Variants in DENND1B observed in about 807,000 individuals in gnomAD.
The protein encoded by DENND1B is DENN domain-containing protein 1B.
Under a neutral mutation model 90.1 loss-of-function variants are expected in DENND1B, and 59 were observed. The ratio of observed to expected loss-of-function variants is 0.65; its 90% CI spans 0.53 to 0.81. DENND1B has a LOEUF of 0.81. Ranked by LOEUF, DENND1B falls within the 40% of genes least tolerant of loss-of-function variation. The probability of loss-of-function intolerance (pLI) is 0.00; values close to 1 mark genes in which losing one functional copy is unlikely to be tolerated. For missense variants in DENND1B, 862 were observed against 912.6 expected, an observed-to-expected ratio of 0.94 and a Z score of 0.71; for synonymous variants, 337 against 324.6, an observed-to-expected ratio of 1.04 and a Z score of -0.41.
intron 3 of DENND1B, among the ~76,000 whole-genome samples, chr1:197,706,521 A>G (rs1013541400): frequency 6.6e-6 from 1 of 152,250 alleles, no homozygotes; most frequent in East Asian, 1.9e-4. Context: ...ATGTATACGT[A>G]AACTAATCAT....
At chr1:197,651,512 A>G (rs1380837638) in intron 7 of DENND1B, among the ~76,000 whole-genome samples, 1 of 151,970 alleles carries the variant, frequency 6.6e-6, no homozygotes, top group Non-Finnish European at 1.5e-5. Flanking sequence ...TTCACCCAGA[A>G]TTTTTATCAC....
chr1:197,539,941 G>A (rs770376498), intron 20 of DENND1B, 23 bp downstream of exon 20: 1 of 1,492,166 alleles, frequency 6.7e-7, no homozygotes, highest in Non-Finnish European at 9.3e-7. Context: ...GTGGGGGAAT[G>A]AAGGGTAAAT....
chr1:197,657,303 A>G (rs1653941219), intron 6 of DENND1B, among the ~76,000 whole-genome samples: 1 of 152,178 alleles, frequency 6.6e-6, no homozygotes, highest in African/African-American at 2.4e-5. Context: ...CCTATTTGCT[A>G]TTGAGACACA....
At chr1:197,637,296 A>G (rs1679885498) in intron 10 of DENND1B, among the ~76,000 whole-genome samples, 1 of 152,198 alleles carries the variant, frequency 6.6e-6, no homozygotes, top group South Asian at 2.1e-4. Context: ...TGTGGATATC[A>G]TACAGGAACA....
intron 14 of DENND1B, among the ~76,000 whole-genome samples, chr1:197,585,172 C>A (rs78636848): frequency 0.015 from 2,280 of 152,212 alleles, 28 homozygotes; most frequent in Non-Finnish European, 0.022. Context: ...CTAGCATCAT[C>A]CCTAGTTACA....
chr1:197,741,781 A>C (rs1265106057), intron 2 of DENND1B, among the ~76,000 whole-genome samples: 1 of 152,148 alleles, frequency 6.6e-6, no homozygotes, highest in African/African-American at 2.4e-5. Context: ...AAAAGAAAAA[A>C]AAGAACTAAA....
At chr1:197,773,066 A>G (rs1178139588) in intron 1 of DENND1B, 134 bp from the exon 2 acceptor site, 3 of 757,564 alleles carry the variant, frequency 4.0e-6, no homozygotes, top group Non-Finnish European at 4.5e-6. Context: ...ACAGTATAGT[A>G]GAAATAACAA....
At chr1:197,553,251 T>A (rs750257891) in intron 15 of DENND1B, 139 bp from the exon 16 acceptor site, 15 of 638,048 alleles carry the variant, frequency 2.4e-5, no homozygotes, top group Non-Finnish European at 3.5e-5. Context: ...TACACATATA[T>A]GGTGTATATA....
At chr1:197,553,608 T>C (rs1671441226) in intron 15 of DENND1B, among the ~76,000 whole-genome samples, 1 of 152,186 alleles carries the variant, frequency 6.6e-6, no homozygotes, top group Admixed American at 6.6e-5. Context: ...TGTGAGATGT[T>C]AGACATTACC....
intron 19 of DENND1B, 45 bp from the exon 20 acceptor site, chr1:197,540,116 T>G (rs1312560307): frequency 7.5e-7 from 1 of 1,338,508 alleles, no homozygotes; most frequent in East Asian, 2.4e-5. Flanking sequence ...AAGTACTCCT[T>G]TTATTACTAA....
chr1:197,658,304 T>C lies in DENND1B; in HGVS notation c.362A>G (p.Glu121Gly). Residue 121 changes from glutamate (E) to glycine (G), a missense_variant, in exon 6 of 23, where the codon GAA becomes GGA. Physicochemically the swap from Glu to Gly is moderately conservative, Grantham distance 98. Coordinates refer to ENST00000620048, the MANE Select transcript of DENND1B (RefSeq NM_001195215.2). ...LNTLADYLAK[E>G]LENDLNETLR... ...AATGGGGAAAAAATAGCTTACCAGT[T>C]CCTTAGCCAAGTAATCTGCAAGAGT... The C allele has an allele frequency of 1.2e-6, 2 of 1,608,940 alleles. No individual in the cohort carries two copies. Among genetic ancestry groups the C allele is most frequent in the Non-Finnish European group, 1.7e-6 (2 of 1,176,534 alleles).
At chr1:197,658,035 T>C (rs1037280147) in intron 6 of DENND1B, among the ~76,000 whole-genome samples, 2 of 152,150 alleles carry the variant, frequency 1.3e-5, no homozygotes, top group Admixed American at 1.3e-4. Context: ...TTATATGAGA[T>C]ACATAGACTA....
intron 7 of DENND1B, 132 bp downstream of exon 7, chr1:197,652,103 G>T: frequency 1.5e-6 from 1 of 669,374 alleles, no homozygotes. Context: ...ACCTTGTTAT[G>T]TTAGTACTAG....
At chr1:197,673,599 T>G (rs1461082876) in intron 4 of DENND1B, among the ~76,000 whole-genome samples, 1 of 152,100 alleles carries the variant, frequency 6.6e-6, no homozygotes, top group Non-Finnish European at 1.5e-5. Flanking sequence ...CAGTATTTGT[T>G]CAGTGAAATA....
At chr1:197,778,063 C>T (rs1657343549), upstream of DENND1B, among the ~76,000 whole-genome samples, 1 of 152,102 alleles carries the variant, frequency 6.6e-6, no homozygotes, top group Non-Finnish European at 1.5e-5. Context: ...TCAGGTTCTA[C>T]CTTACACAGT....
chr1:197,513,281 T>G (rs1274827500), intron 20 of DENND1B, among the ~76,000 whole-genome samples: 2 of 151,604 alleles, frequency 1.3e-5, no homozygotes, highest in Non-Finnish European at 3.0e-5. Context: ...TATACCCTCA[T>G]GCACCCATCA....
At position 197,652,269 on chromosome 1, in the gene DENND1B, A is replaced by G. The variant is rs1310107769; in HGVS notation, c.413T>C (p.Val138Ala). 4.3e-6 allele frequency: 7 copies of G among 1,612,150 alleles called. No homozygotes were observed. Among genetic ancestry groups the G allele is most frequent in the Non-Finnish European group, 5.9e-6 (7 of 1,179,320 alleles). The change falls in exon 7 of 23, where the codon GTA (valine) becomes GCA (alanine). Residue 138 changes from valine to alanine, a missense_variant. Transcript: ENST00000620048. Reference protein sequence around the residue: ...ETLRSLYNHPVPKANTPVNLS... With the variant: ...ETLRSLYNHPAPKANTPVNLS... ...ATTTACAGGAGTATTTGCCTTTGGT[A>G]CTGGGTGGTTATACAGTGATCTGAG...
chr1:197,660,061 C>A (rs1045584030), intron 5 of DENND1B, among the ~76,000 whole-genome samples: 2 of 151,356 alleles, frequency 1.3e-5, no homozygotes, highest in African/African-American at 4.9e-5. Context: ...TAAAAAAAAA[C>A]TAAACTTTTC....
At chr1:197,560,318 C>CA (rs906299268) in intron 15 of DENND1B, among the ~76,000 whole-genome samples, 2 of 151,706 alleles carry the variant, frequency 1.3e-5, no homozygotes, top group Non-Finnish European at 2.9e-5. Context: ...ATGAAGCAGG[C>CA]AAAAATCCAA....
Sources: allele counts gnomAD v4.1 joint callset (sites outside exome capture counted in the v4.1 genomes callset), GRCh38; gene constraint gnomAD v4.1.1; transcripts MANE v1.5; gene names NCBI Gene and HGNC (gene_info 2026-07-23, HGNC 2026-07-21).